The following ATF7IP variants were observed in gnomAD, a reference collection of about 807,000 sequenced individuals.
ATF7IP encodes the protein activating transcription factor 7-interacting protein 1.
A neutral mutation model predicts 106.4 loss-of-function variants in ATF7IP; 23 were observed. The ratio of observed to expected loss-of-function variants is 0.22; its 90% CI spans 0.16 to 0.31. ATF7IP has a LOEUF of 0.31. Ranked by LOEUF, ATF7IP falls within the 10% of genes least tolerant of loss-of-function variation. The pLI is 1.00. For missense variants in ATF7IP, 1,334 were observed against 1,524.3 expected (o/e 0.88, Z 2.08); for synonymous variants, 542 against 539.0 (o/e 1.01, Z -0.08).
chr12:14,405,243 A>T (rs1468238096), intron 1 of ATF7IP, among the ~76,000 whole-genome samples: 1 of 152,118 alleles, frequency 6.6e-6, no homozygotes, highest in Non-Finnish European at 1.5e-5. Context: ...TATAAATAGA[A>T]TTGGCTGGAA....
chr12:14,443,734 C>T (rs1942819035), intron 5 of ATF7IP, among the ~76,000 whole-genome samples: 1 of 151,936 alleles, frequency 6.6e-6, no homozygotes, highest in Admixed American at 6.6e-5. Flanking sequence ...TACAGTGAGA[C>T]AGGAAAAAGA....
At position 14,498,294 on chromosome 12, in the gene ATF7IP, A is replaced by G; in HGVS notation, c.*221A>G. On this transcript the variant is annotated 3_prime_UTR_variant, in exon 15 of 15. Transcript: ENST00000261168. ...TAGGCTTTGGGGTTTGGAAATGTAA[A>G]TGTGTACCTTGCTTTAGTTTTGAGG... The G allele has an allele frequency of 4.2e-6, 2 of 471,746 alleles. No homozygotes were observed. The highest frequency in any genetic ancestry group is 7.5e-6 in the Non-Finnish European group (2 of 267,834). The allele number at this position is 471,746 out of a possible 1,614,324, so 29.2% of individuals were successfully genotyped here.
chr12:14,405,710 C>T (rs1940541888), intron 1 of ATF7IP, among the ~76,000 whole-genome samples: 1 of 152,102 alleles, frequency 6.6e-6, no homozygotes, highest in Non-Finnish European at 1.5e-5. Flanking sequence ...TGAGCCACTG[C>T]ACCCAGACAT....
intron 1 of ATF7IP, among the ~76,000 whole-genome samples, chr12:14,411,717 T>C (rs1327929751): frequency 2.0e-5 from 3 of 152,196 alleles, no homozygotes; most frequent in Non-Finnish European, 2.9e-5. Flanking sequence ...TTTTCGTCCA[T>C]TGTGTGAATT....
intron 1 of ATF7IP, among the ~76,000 whole-genome samples, chr12:14,418,511 A>G (rs901989713): frequency 1.3e-5 from 2 of 152,186 alleles, no homozygotes; most frequent in Admixed American, 6.5e-5. Context: ...GTTCTAGGCG[A>G]CAGTACTAAA....
At position 14,424,397 on chromosome 12, in the gene ATF7IP, C is replaced by G. The variant is rs202238899; in HGVS notation, c.482C>G (p.Ser161Cys). ...GATTCCACCTCTGGTGATCCCACCT[C>G]TAGCGAGCCCTCCTCTAGTGATGCT... The part of the protein sequence containing the change: ...SGDSTSGDPT[S>C]SEPSSSDAAS... Residue 161 changes from serine to cysteine, a missense_variant, in exon 2 of 15, where the codon TCT becomes TGT. Ser to Cys is a moderately radical substitution (Grantham distance 112, BLOSUM62 -1). Around this residue, in one of 10 missense-constraint regions of ATF7IP, gnomAD observed 438 missense variants for 405.3 expected, o/e 1.08. Transcript: ENST00000261168. 4 of 1,613,944 alleles carry G rather than the reference C, an allele frequency of 2.5e-6. No homozygotes were observed. The highest frequency in any genetic ancestry group is 2.5e-6 in the Non-Finnish European group (3 of 1,179,862).
chr12:14,437,995 G>A (rs1942489361), intron 4 of ATF7IP, 135 bp from the exon 5 acceptor site: 4 of 711,882 alleles, frequency 5.6e-6, no homozygotes, highest in African/African-American at 1.8e-5. Flanking sequence ...GGAGCTTGCA[G>A]TGAGCCGAGA....
In ATF7IP at chr12:14,497,777, A is replaced by C; in HGVS notation, c.3517A>C (p.Ser1173Arg). The C allele has an allele frequency of 6.2e-7, 1 of 1,614,134 alleles. No individual in the cohort carries two copies. The highest frequency in any genetic ancestry group is 1.1e-5 in the South Asian group (1 of 91,090). Residue 1173 changes from serine (S) to arginine (R), a missense_variant, in exon 15 of 15, where the codon AGT (serine) becomes CGT (arginine). By Grantham distance (110) the Ser-to-Arg change is moderately radical (BLOSUM62 -1). Coordinates refer to ENST00000261168, the MANE Select transcript of ATF7IP (RefSeq NM_018179.5). ...ACACTTGAAGTTAGCACGCGTTCAG[A>C]GTCAAAATGGCATAGTACTGTCATG... ...KPHLKLARVQ[S>R]QNGIVLSWSV...
At chr12:14,412,723 A>T (rs796334078) in intron 1 of ATF7IP, among the ~76,000 whole-genome samples, 7 of 151,564 alleles carry the variant, frequency 4.6e-5, no homozygotes, top group African/African-American at 1.5e-4. Context: ...TTTAAGTTGT[A>T]TGACTTGTGG....
chr12:14,492,095 G>T (rs373241518), intron 13 of ATF7IP, among the ~76,000 whole-genome samples: 2 of 152,176 alleles, frequency 1.3e-5, no homozygotes, highest in East Asian at 3.8e-4. Context: ...CAATGTGGTG[G>T]TTCTGCCAGC....
chr12:14,378,099 T>TC (rs1302163527), intron 1 of ATF7IP, among the ~76,000 whole-genome samples: 1 of 108,662 alleles, frequency 9.2e-6, no homozygotes, highest in Non-Finnish European at 1.9e-5. Context: ...TTTTTCTTTT[T>TC]CTTTTTTTTT....
intron 3 of ATF7IP, among the ~76,000 whole-genome samples, chr12:14,435,099 AGGAG>A (rs1942339508): frequency 6.6e-6 from 1 of 150,896 alleles, no homozygotes; most frequent in African/African-American, 2.4e-5. Flanking sequence ...GAGAGAGAGA[AGGAG>A]GGAGGGAGGG....
At position 14,498,114 on chromosome 12, in the gene ATF7IP, C is replaced by G; in HGVS notation, c.*41C>G. On this transcript the variant is annotated 3_prime_UTR_variant, in exon 15 of 15. Coordinates refer to ENST00000261168, the MANE Select transcript of ATF7IP (RefSeq NM_018179.5). ...TATTTTCCTCTTTTAAAATTTCCACCTTTTGGTCTTGTTTTTAATCTTGTG... is the reference window on the plus strand; with the variant it reads ...TATTTTCCTCTTTTAAAATTTCCACGTTTTGGTCTTGTTTTTAATCTTGTG... The G allele has an allele frequency of 6.6e-7, 1 of 1,512,196 alleles. No individual in the cohort carries two copies. Among genetic ancestry groups the G allele is most frequent in the East Asian group, 2.3e-5 (1 of 43,922 alleles). 93.7% of individuals were successfully genotyped at this position (1,512,196 alleles called of 1,614,324 possible).
Position 14,424,456 on chromosome 12 carries a change from TCTGGTGATGTGTCCC to T in ATF7IP, c.551_565del (p.Val184_Asp188del), listed in dbSNP as rs759834976. 26 of 1,611,626 alleles carry T rather than the reference TCTGGTGATGTGTCCC, an allele frequency of 1.6e-5. No individual in the cohort carries two copies. Among genetic ancestry groups the T allele is most frequent in the East Asian group, 2.2e-5 (1 of 44,858 alleles). On this transcript the variant is annotated inframe_deletion, in exon 2 of 15. Coordinates refer to ENST00000261168, the MANE Select transcript of ATF7IP (RefSeq NM_018179.5). Reference sequence around the variant, plus strand: ...TGATGCAACCTCTGGTGATGCCCCTTCTGGTGATGTGTCCCCTGGTGATGCCACCTCTGGTGATGC... The same window carrying T: ...TGATGCAACCTCTGGTGATGCCCCTTCTGGTGATGCCACCTCTGGTGATGC...
chr12:14,406,872 G>A (rs1449148627), intron 1 of ATF7IP, among the ~76,000 whole-genome samples: 1 of 151,978 alleles, frequency 6.6e-6, no homozygotes, highest in Non-Finnish European at 1.5e-5. Flanking sequence ...GATTACAGGC[G>A]TGAGCCACCA....
At position 14,425,262 on chromosome 12, in the gene ATF7IP, T is replaced by C. The variant is rs1159130678; in HGVS notation, c.1347T>C (p.Leu449=). ...LEKLAPSEDE[L]TCFSKTSLLP... ...AGCTTGCACCTTCTGAGGATGAACTTACTTGCTTTTCTAAAACATCTCTCC... is the reference window on the plus strand; with the variant it reads ...AGCTTGCACCTTCTGAGGATGAACTCACTTGCTTTTCTAAAACATCTCTCC... The change falls in exon 2 of 15, where the codon CTT becomes CTC. Residue 449 remains leucine (L), a synonymous_variant. Coordinates refer to ENST00000261168, the MANE Select transcript of ATF7IP (RefSeq NM_018179.5). 8 of 1,598,904 alleles carry C rather than the reference T, an allele frequency of 5.0e-6. No homozygotes were observed. Among genetic ancestry groups the C allele is most frequent in the Non-Finnish European group, 6.8e-6 (8 of 1,174,512 alleles).
At chr12:14,380,249 A>T (rs565647991) in intron 1 of ATF7IP, among the ~76,000 whole-genome samples, 1 of 151,834 alleles carries the variant, frequency 6.6e-6, no homozygotes, top group Non-Finnish European at 1.5e-5. Context: ...TGCATAGTCT[A>T]TTGCTTCATG....
At chr12:14,427,145 CAG>C (rs1439144952) in intron 2 of ATF7IP, among the ~76,000 whole-genome samples, 2 of 151,954 alleles carry the variant, frequency 1.3e-5, no homozygotes, top group Admixed American at 1.3e-4. Context: ...TTTTGTGAGA[CAG>C]AGTCTTGCTC....
intron 10 of ATF7IP, among the ~76,000 whole-genome samples, chr12:14,467,081 C>T (rs1943861573): frequency 6.6e-6 from 1 of 152,136 alleles, no homozygotes; most frequent in South Asian, 2.1e-4. Context: ...AGTCTTTGTA[C>T]TTTTTCATAT....
Sources: gnomAD v4.1 joint callset for allele counts (sites outside exome capture counted in the v4.1 genomes callset) on GRCh38, gnomAD v4.1.1 for gene constraint, gnomAD v4.1.1 regional missense constraint, MANE v1.5 for transcripts, NCBI Gene and HGNC (gene_info 2026-07-23, HGNC 2026-07-21) for gene names.